The following FHL1 variants were observed in gnomAD, a reference collection of about 807,000 sequenced individuals.
FHL1 encodes four and a half LIM domains 1, also known as four and a half LIM domains protein 1.
Under a neutral mutation model 20.3 loss-of-function variants are expected in FHL1, and 1 was observed. The ratio of observed to expected loss-of-function variants is 0.05; its 90% CI spans 0.02 to 0.23. The LOEUF is 0.23. FHL1 is among the 10% of genes least tolerant of loss of function. The pLI is 1.00. For synonymous variants in FHL1, 82 were observed against 88.9 expected (o/e 0.92, Z 0.44); for missense variants, 177 against 234.0 (o/e 0.76, Z 1.59).
At chrX:136,179,556 G>A (rs1326720139) in intron 2 of FHL1, among the ~76,000 whole-genome samples, 4 of 112,215 alleles carry the variant, frequency 3.6e-5, no homozygotes, top group Non-Finnish European at 7.5e-5. Context: ...AGCTTCTGAG[G>A]AGCAAGAAGC....
chrX:136,158,398 C>G (rs946158849), intron 1 of FHL1, among the ~76,000 whole-genome samples: 1 of 111,910 alleles, frequency 8.9e-6, no homozygotes, highest in Non-Finnish European at 1.9e-5. Context: ...GCTCTCTGTT[C>G]TGTTGCTATT....
upstream of FHL1, among the ~76,000 whole-genome samples, chrX:136,194,309 G>A (rs776199511): frequency 2.7e-5 from 3 of 112,269 alleles, no homozygotes; most frequent in Non-Finnish European, 5.6e-5. Context: ...ACATAGTAGG[G>A]CATCTGTCCA....
intron 1 of FHL1, among the ~76,000 whole-genome samples, chrX:136,163,534 C>T (rs187841708): frequency 8.1e-5 from 9 of 111,605 alleles, no homozygotes; most frequent in Admixed American, 7.6e-4. Context: ...TGATAATGGG[C>T]CAAATTAGGA....
At position 136,149,259 on chromosome X, in the gene FHL1, G is replaced by T. The variant is rs191710078; in HGVS notation, c.-101+1631G>T. Among the ~76,000 whole-genome samples, 17 of 112,161 alleles carry T rather than the reference G, an allele frequency of 1.5e-4. No individual in the cohort carries two copies. The East Asian group carries it at 4.5e-3, about 30-fold the overall frequency. ...TCATCTCCAAGAACCGGGCCCTCCC[G>T]ATCCTTACACTGAAGAAGCAAGAGC... On this transcript the variant is annotated intron_variant, in intron 1 of 7. Coordinates refer to the FHL1 transcript ENST00000394155.
chrX:136,152,659 G>A (rs1443886261), intron 1 of FHL1, among the ~76,000 whole-genome samples: 1 of 100,754 alleles, frequency 9.9e-6, no homozygotes, highest in Non-Finnish European at 2.0e-5. Flanking sequence ...GTCGGAGGTT[G>A]CAGTGAGCCG....
intron 1 of FHL1, among the ~76,000 whole-genome samples, chrX:136,162,226 G>A (rs1408960763): frequency 1.8e-5 from 2 of 109,979 alleles, no homozygotes; most frequent in East Asian, 5.7e-4. Flanking sequence ...GGTGGAAAGA[G>A]TATTGAACTG....
In FHL1 at chrX:136,206,474, G is replaced by T; in HGVS notation, c.90G>T (p.Leu30Phe). The change falls in exon 2 of 6, where the codon TTG becomes TTT. Residue 30 changes from leucine to phenylalanine, a missense_variant. By Grantham distance (22) the Leu-to-Phe change is conservative (BLOSUM62 0). Transcript: ENST00000370683. ...ACTGCCACTACTGCAGGGATCCCTT[G>T]CAGGGGAAGAAGTATGTGCAAAAGG... ...KFDCHYCRDP[L>F]QGKKYVQKDG... is the part of the protein sequence containing the mutation. The T allele has an allele frequency of 8.2e-7, 1 of 1,212,395 alleles. No homozygotes were observed. Among genetic ancestry groups the T allele is most frequent in the Non-Finnish European group, 1.1e-6 (1 of 895,615 alleles).
intron 1 of FHL1, among the ~76,000 whole-genome samples, chrX:136,152,164 A>G (rs752956277): frequency 8.9e-6 from 1 of 112,321 alleles, no homozygotes; most frequent in Admixed American, 9.4e-5. Flanking sequence ...AACACCTACT[A>G]AAATTTCAGG....
At chrX:136,190,870 T>C (rs2073416766) in intron 2 of FHL1, among the ~76,000 whole-genome samples, 1 of 111,697 alleles carries the variant, frequency 9.0e-6, no homozygotes, top group Admixed American at 9.5e-5. Context: ...GCCTCAGCTT[T>C]TCCATCTATA....
chrX:136,207,848 A>G lies in FHL1; in HGVS notation c.436A>G (p.Ser146Gly), dbSNP rs878854460. Residue 146 changes from serine to glycine, a missense_variant, in exon 4 of 6, where the codon AGT becomes GGT. Coordinates refer to ENST00000370683, the MANE Select transcript of FHL1 (RefSeq NM_001159699.2). ...TVWHKDCFTCSNCKQVIGTGS... is the reference protein window; with the variant it reads ...TVWHKDCFTCGNCKQVIGTGS... ...CTGGCACAAAGACTGCTTCACCTGT[A>G]GTAACTGCAAGCAAGTCATCGGGAC... The G allele has an allele frequency of 6.6e-6, 8 of 1,212,148 alleles. No individual in the cohort carries two copies. Among genetic ancestry groups the G allele is most frequent in the Non-Finnish European group, 6.7e-6 (6 of 895,517 alleles).
intron 2 of FHL1, among the ~76,000 whole-genome samples, chrX:136,170,425 G>A (rs1286659364): frequency 9.0e-6 from 1 of 111,182 alleles, no homozygotes; most frequent in African/African-American, 3.3e-5. Context: ...TGCAGGACTG[G>A]CATTGCAAAA....
intron 2 of FHL1, among the ~76,000 whole-genome samples, chrX:136,186,489 T>C (rs2073290907): frequency 9.0e-6 from 1 of 111,271 alleles, no homozygotes. Flanking sequence ...GCTGATCTCT[T>C]TTGGGGGTTA....
intron 2 of FHL1, among the ~76,000 whole-genome samples, chrX:136,176,366 T>TA (rs1362146723): frequency 8.9e-6 from 1 of 112,604 alleles, no homozygotes; most frequent in Non-Finnish European, 1.9e-5. Context: ...CTATTTCAGA[T>TA]ATACTTGTTT....
chrX:136,206,697 G>A, intron 2 of FHL1, 109 bp downstream of exon 2: 4 of 1,007,398 alleles, frequency 4.0e-6, no homozygotes, highest in South Asian at 1.9e-5. Flanking sequence ...CATCACTGCA[G>A]CCACCTTGAG....
chrX:136,196,896 G>C (rs1354883908), upstream of FHL1: 18 of 1,133,162 alleles, frequency 1.6e-5, no homozygotes, highest in Admixed American at 2.6e-5. Context: ...ATTTTTACTG[G>C]GTCCTATTCT....
upstream of FHL1, among the ~76,000 whole-genome samples, chrX:136,168,471 T>A (rs2072772428): frequency 8.9e-6 from 1 of 112,041 alleles, no homozygotes; most frequent in African/African-American, 3.2e-5. Context: ...CAGATTCATA[T>A]GATAGAATAT....
intron 1 of FHL1, among the ~76,000 whole-genome samples, chrX:136,161,271 C>T (rs2148280740): frequency 9.0e-6 from 1 of 111,067 alleles, no homozygotes; most frequent in South Asian, 3.9e-4. Context: ...CTTTGTCTTC[C>T]CCTCATTCTG....
chrX:136,174,790 G>C (rs1426301957), intron 2 of FHL1, among the ~76,000 whole-genome samples: 1 of 111,440 alleles, frequency 9.0e-6, no homozygotes, highest in Non-Finnish European at 1.9e-5. Flanking sequence ...AAAAAAGCTA[G>C]ATATGCTCAG....
At chrX:136,187,461 T>C (rs1012473780) in intron 2 of FHL1, among the ~76,000 whole-genome samples, 14 of 112,620 alleles carry the variant, frequency 1.2e-4, no homozygotes, top group African/African-American at 1.9e-4. Flanking sequence ...TGGACTATTA[T>C]TCAGCCATAA....
Sources: allele counts gnomAD v4.1 joint callset (sites outside exome capture counted in the v4.1 genomes callset), GRCh38; gene constraint gnomAD v4.1.1; transcripts MANE v1.5; gene names NCBI Gene and HGNC (gene_info 2026-07-23, HGNC 2026-07-21).